DAAM1: variants seen among roughly 807,000 people sequenced by gnomAD.
The protein encoded by DAAM1 is disheveled-associated activator of morphogenesis 1.
In DAAM1, 52 loss-of-function variants were observed where a neutral mutation model predicts 130.0. That is an observed-to-expected ratio of 0.40 (90% CI 0.32 to 0.50). The LOEUF (loss-of-function observed/expected upper bound fraction) is 0.50, where lower values mean the gene tolerates loss of function less well. DAAM1 is among the 20% of genes least tolerant of loss of function. The pLI, the probability that DAAM1 is intolerant of heterozygous loss-of-function variation, is 0.61. For missense variants in DAAM1, 1,134 were observed against 1,303.8 expected (o/e 0.87, Z 2.01); for synonymous variants, 452 against 444.5 (o/e 1.02, Z -0.21).
Position 59,246,094 on chromosome 14 carries a change from T to G in DAAM1, c.-37-17347T>G, listed in dbSNP as rs1323985250. Among the ~76,000 whole-genome samples, 3 of 152,312 alleles carry G rather than the reference T, an allele frequency of 2.0e-5. No individual in the cohort carries two copies. The East Asian group carries it at 5.8e-4, about 29-fold the overall frequency. On this transcript the variant is annotated intron_variant, in intron 1 of 24. Transcript: ENST00000360909. ...AAGTTATTTAAATTATTTTTCAAAT[T>G]TACCATTTAGCCATTTTTCTGTGTA... is the stretch of plus-strand genomic sequence containing the variant.
intron 1 of DAAM1, among the ~76,000 whole-genome samples, chr14:59,197,045 C>T (rs540228959): frequency 4.3e-4 from 66 of 152,006 alleles, no homozygotes; most frequent in African/African-American, 4.1e-4. Context: ...CTCGGCCTCC[C>T]GGGTAGCTGG....
intron 17 of DAAM1, among the ~76,000 whole-genome samples, chr14:59,349,673 G>C (rs534225985): frequency 6.6e-6 from 1 of 152,324 alleles, no homozygotes; most frequent in East Asian, 1.9e-4. Context: ...TCTGATCTCA[G>C]ATGAGAGAGA....
In DAAM1 at chr14:59,209,547, A is replaced by G. The variant is rs1220061707; in HGVS notation, c.-38+20779A>G. On this transcript the variant is annotated intron_variant, in intron 1 of 24. Transcript: ENST00000360909. ...CTTTGAATACCCATACAACCATTCT[A>G]TTTTTCATTTTCAATATAGTATCTA... 2.6e-5 allele frequency among the ~76,000 whole-genome samples: 4 copies of G among 152,150 alleles called. No individual in the cohort carries two copies. The South Asian group carries it at 6.2e-4, about 24-fold the overall frequency.
intron 1 of DAAM1, among the ~76,000 whole-genome samples, chr14:59,241,212 A>G (rs565772486): frequency 3.0e-4 from 46 of 152,360 alleles, no homozygotes; most frequent in African/African-American, 1.0e-3. Context: ...TTGTTATACA[A>G]TATGTTCTCT....
At chr14:59,194,140 C>CGATGTTGG (rs71111616) in intron 1 of DAAM1, among the ~76,000 whole-genome samples, 5 of 152,100 alleles carry the variant, frequency 3.3e-5, no homozygotes, top group Non-Finnish European at 7.4e-5. Flanking sequence ...CCTGATGTTG[C>CGATGTTGG]CTGGTTTCTG....
intron 1 of DAAM1, among the ~76,000 whole-genome samples, chr14:59,215,537 G>GC (rs1440724229): frequency 3.9e-5 from 6 of 152,192 alleles, no homozygotes; most frequent in Non-Finnish European, 5.9e-5. Context: ...GGCGGCAGCC[G>GC]CTGCAGGCTT....
intron 1 of DAAM1, among the ~76,000 whole-genome samples, chr14:59,245,336 T>C (rs755760775): frequency 1.7e-4 from 26 of 152,192 alleles, no homozygotes; most frequent in Non-Finnish European, 3.7e-4. Flanking sequence ...TGCTTGCTTG[T>C]TTAAGTTTGG....
intron 9 of DAAM1, 33 bp from the exon 10 acceptor site, chr14:59,325,927 T>A: frequency 6.3e-7 from 1 of 1,596,676 alleles, no homozygotes; most frequent in East Asian, 2.2e-5. Flanking sequence ...GGAACTTAGA[T>A]GTTTGATTTG....
chr14:59,206,623 G>T (rs2757122), intron 1 of DAAM1, among the ~76,000 whole-genome samples: 28,948 of 152,188 alleles, frequency 0.19, 3,286 homozygotes, highest in African/African-American at 0.3. Context: ...TCTTATTCCA[G>T]TGTTTAAAAT....
In DAAM1 at chr14:59,253,698, T is replaced by C. The variant is rs554579532; in HGVS notation, c.-37-9743T>C. ...ATGCCTCCATGATAAAATACAGTTA[T>C]AATATTTGAGAAGGAACAAGATTGA... On this transcript the variant is annotated intron_variant, in intron 1 of 24. Transcript: ENST00000360909. Among the ~76,000 whole-genome samples the C allele has an allele frequency of 1.1e-4, 16 of 152,330 alleles. No homozygotes were observed. The South Asian group carries it at 3.3e-3, about 32-fold the overall frequency.
intron 5 of DAAM1, 67 bp from the exon 6 acceptor site, chr14:59,322,825 C>T (rs775874471): frequency 9.8e-6 from 13 of 1,331,970 alleles, no homozygotes; most frequent in East Asian, 2.3e-5. Context: ...GCCCTCTAGA[C>T]TTTTCTGTTA....
intron 18 of DAAM1, 58 bp from the exon 19 acceptor site, chr14:59,353,818 A>T (rs1886373588): frequency 6.5e-7 from 1 of 1,540,838 alleles, no homozygotes; most frequent in South Asian, 1.2e-5. Context: ...CATATCTGTT[A>T]TTAAGTGAAC....
chr14:59,322,006 T>G (rs1885028956), intron 5 of DAAM1, among the ~76,000 whole-genome samples: 1 of 152,206 alleles, frequency 6.6e-6, no homozygotes, highest in Non-Finnish European at 1.5e-5. Context: ...TATGCAACAA[T>G]AAAGTATTGC....
chr14:59,275,414 C>T (rs1030080642), intron 2 of DAAM1, among the ~76,000 whole-genome samples: 5 of 151,702 alleles, frequency 3.3e-5, no homozygotes, highest in Non-Finnish European at 5.9e-5. Context: ...CAAACCTGCA[C>T]GTGTACCCCG....
Position 59,315,365 on chromosome 14 carries a change from T to C in DAAM1, c.345+14T>C. Reference sequence around the variant, plus strand: ...TCCATGGCTGCTGTAAGTAGACTTTTATGTTCTTTGACACACTGTTTAAAA... The same window carrying C: ...TCCATGGCTGCTGTAAGTAGACTTTCATGTTCTTTGACACACTGTTTAAAA... On this transcript the variant is annotated intron_variant, in intron 4 of 24. Transcript: ENST00000360909. 1 of 1,612,550 alleles carries C rather than the reference T, an allele frequency of 6.2e-7. No homozygotes were observed. The highest frequency in any genetic ancestry group is 8.5e-7 in the Non-Finnish European group (1 of 1,178,852).
At chr14:59,280,944 C>G (rs1883188970) in intron 2 of DAAM1, among the ~76,000 whole-genome samples, 1 of 152,092 alleles carries the variant, frequency 6.6e-6, no homozygotes, top group Admixed American at 6.6e-5. Context: ...TTCTCTCCTC[C>G]TCTCCCCTTT....
chr14:59,252,765 C>T (rs1881704784), intron 1 of DAAM1, among the ~76,000 whole-genome samples: 2 of 152,226 alleles, frequency 1.3e-5, no homozygotes, highest in African/African-American at 4.8e-5. Context: ...ATAGTGTCCA[C>T]TCAAAAGCCA....
chr14:59,199,803 T>C (rs1007709926), intron 1 of DAAM1, among the ~76,000 whole-genome samples: 12 of 152,166 alleles, frequency 7.9e-5, no homozygotes, highest in African/African-American at 2.7e-4. Flanking sequence ...CTGTGCACTG[T>C]AGGATGTTTA....
rs761920218 is a variant in DAAM1, at chr14:59,348,329, A to G, written c.2160+706A>G. 2.6e-5 allele frequency among the ~76,000 whole-genome samples: 4 copies of G among 151,504 alleles called. No homozygotes were observed. In the East Asian group the frequency reaches 5.8e-4, roughly 22 times the overall value. ...ATAGCATTTCTTTGTAGCCTCTCCA[A>G]CGGGATCATGGGCTGTTTGGCATCT... is the stretch of plus-strand genomic sequence containing the variant. On this transcript the variant is annotated intron_variant, in intron 17 of 24. Transcript: ENST00000360909.
Sources: gnomAD v4.1 joint callset for allele counts (sites outside exome capture counted in the v4.1 genomes callset) on GRCh38, gnomAD v4.1.1 for gene constraint, MANE v1.5 for transcripts, NCBI Gene and HGNC (gene_info 2026-07-23, HGNC 2026-07-21) for gene names.